The following TMEM108 variants were observed in gnomAD, a reference collection of about 807,000 sequenced individuals.
The protein encoded by TMEM108 is cancer/testis antigen 124.
In TMEM108, 12 loss-of-function variants were observed where a neutral mutation model predicts 35.1. The ratio of observed to expected loss-of-function variants is 0.34; its 90% CI spans 0.22 to 0.55. TMEM108 has a LOEUF of 0.55. Among genes scored for constraint, TMEM108 ranks in the 20% least tolerant of loss-of-function variants. TMEM108 has a pLI of 0.89. For missense variants in TMEM108, 680 were observed against 753.3 expected (o/e 0.90, Z 1.14); for synonymous variants, 287 against 308.6 (o/e 0.93, Z 0.73).
chr3:133,213,183 C>T (rs1309379215), intron 2 of TMEM108, among the ~76,000 whole-genome samples: 1 of 152,106 alleles, frequency 6.6e-6, no homozygotes, highest in Non-Finnish European at 1.5e-5. Context: ...CTGTCTCTTG[C>T]AAATAACCAA....
Position 133,111,943 on chromosome 3 carries a change from G to A in TMEM108, c.-47+65923G>A, listed in dbSNP as rs1944229850. 1.3e-5 allele frequency among the ~76,000 whole-genome samples: 2 copies of A among 152,138 alleles called. 1 individual carries two copies. The highest frequency in any genetic ancestry group is 4.1e-4 in the South Asian group (2 of 4,830). ...ACTTAGTTCTGTGGGGAGAGAGGTG[G>A]CAGGTCTGTATTGACACTTTCATCT... On this transcript the variant is annotated intron_variant, in intron 2 of 5. Coordinates refer to ENST00000321871, the MANE Select transcript of TMEM108 (RefSeq NM_023943.4).
At chr3:133,067,249 T>G (rs1943619119) in intron 2 of TMEM108, among the ~76,000 whole-genome samples, 1 of 152,194 alleles carries the variant, frequency 6.6e-6, no homozygotes, top group African/African-American at 2.4e-5. Context: ...CTCCCACTAG[T>G]GTAAGAGGAG....
chr3:133,121,067 T>G (rs980476436), intron 2 of TMEM108: 2 of 152,240 alleles, frequency 1.3e-5, no homozygotes, highest in Non-Finnish European at 2.9e-5. Context: ...CAGATGAAGG[T>G]GAGTCTCTGC....
intron 3 of TMEM108, among the ~76,000 whole-genome samples, chr3:133,320,791 G>A (rs911730314): frequency 6.6e-6 from 1 of 152,122 alleles, no homozygotes; most frequent in African/African-American, 2.4e-5. Context: ...AACCTATAAA[G>A]GAAAACCTAT....
intron 2 of TMEM108, among the ~76,000 whole-genome samples, chr3:133,214,632 T>C (rs946186414): frequency 2.0e-5 from 3 of 152,138 alleles, no homozygotes; most frequent in African/African-American, 7.2e-5. Flanking sequence ...TCAACTACAG[T>C]CAATTCTTGT....
At chr3:133,204,497 T>C (rs1325851716) in intron 2 of TMEM108, among the ~76,000 whole-genome samples, 1 of 152,212 alleles carries the variant, frequency 6.6e-6, no homozygotes, top group South Asian at 2.1e-4. Flanking sequence ...TCGGGTACAT[T>C]GTGTCTTTGT....
chr3:133,282,049 C>T lies in TMEM108; in HGVS notation c.40+52698C>T, dbSNP rs545170787. On this transcript the variant is annotated intron_variant, in intron 3 of 5. Coordinates refer to ENST00000321871, the MANE Select transcript of TMEM108 (RefSeq NM_023943.4). ...GCAGGCACCTGTAGTCCCAGCTACT[C>T]GGGAGGCTGAGGCAGGAGAATGGTG... 5.3e-5 allele frequency among the ~76,000 whole-genome samples: 8 copies of T among 152,160 alleles called. No individual in the cohort carries two copies. In the East Asian group the frequency reaches 1.4e-3, roughly 26 times the overall value.
chr3:133,345,127 C>T (rs1003168360), intron 3 of TMEM108, among the ~76,000 whole-genome samples: 6 of 151,778 alleles, frequency 4.0e-5, no homozygotes, highest in African/African-American at 1.4e-4. Flanking sequence ...CTTAAACACA[C>T]ACACATGCAC....
intron 2 of TMEM108, among the ~76,000 whole-genome samples, chr3:133,155,952 A>G (rs376235001): frequency 4.6e-5 from 7 of 152,128 alleles, no homozygotes; most frequent in East Asian, 1.9e-4. Flanking sequence ...AGGTAATCTT[A>G]CAGAGTTTTT....
intron 2 of TMEM108, among the ~76,000 whole-genome samples, chr3:133,182,481 G>C (rs1437473938): frequency 6.6e-6 from 1 of 152,112 alleles, no homozygotes; most frequent in African/African-American, 2.4e-5. Context: ...GGGAATCCTG[G>C]GAATCCCCTG....
intron 2 of TMEM108, among the ~76,000 whole-genome samples, chr3:133,225,461 AC>A (rs920958984): frequency 4.8e-4 from 73 of 151,854 alleles, no homozygotes; most frequent in African/African-American, 1.5e-3. Context: ...GAGCTGTTGT[AC>A]CCCCCTCCCC....
chr3:133,220,267 A>G (rs989144451), intron 2 of TMEM108, among the ~76,000 whole-genome samples: 1 of 151,148 alleles, frequency 6.6e-6, no homozygotes, highest in Non-Finnish European at 1.5e-5. Context: ...CTTTTTTATT[A>G]TTATTCATCC....
intron 2 of TMEM108, among the ~76,000 whole-genome samples, chr3:133,164,831 G>GA (rs1164595586): frequency 6.6e-6 from 1 of 151,810 alleles, no homozygotes; most frequent in African/African-American, 2.4e-5. Flanking sequence ...CATTTTTATT[G>GA]AAAAAAACAT....
At chr3:133,155,363 CT>C (rs1320836940) in intron 2 of TMEM108, among the ~76,000 whole-genome samples, 2 of 152,034 alleles carry the variant, frequency 1.3e-5, no homozygotes, top group African/African-American at 2.4e-5. Flanking sequence ...TTATATTCTT[CT>C]GGGTATATAC....
chr3:133,103,228 A>G (rs1042539664), intron 2 of TMEM108, among the ~76,000 whole-genome samples: 3 of 152,230 alleles, frequency 2.0e-5, no homozygotes, highest in African/African-American at 7.2e-5. Flanking sequence ...TTGTGTACAT[A>G]TACACCATGG....
At chr3:133,195,187 C>T (rs1488966355) in intron 2 of TMEM108, among the ~76,000 whole-genome samples, 4 of 152,040 alleles carry the variant, frequency 2.6e-5, no homozygotes, top group Admixed American at 2.6e-4. Context: ...AGGATACTTC[C>T]ACATGTATTG....
intron 3 of TMEM108, among the ~76,000 whole-genome samples, chr3:133,372,971 C>T (rs996892629): frequency 6.6e-6 from 1 of 152,146 alleles, no homozygotes; most frequent in Non-Finnish European, 1.5e-5. Flanking sequence ...TTAAGGGAAA[C>T]CATGCTCCAA....
intron 3 of TMEM108, among the ~76,000 whole-genome samples, chr3:133,251,261 A>G (rs1036730061): frequency 4.6e-5 from 7 of 152,222 alleles, no homozygotes; most frequent in African/African-American, 1.7e-4. Context: ...TAAAACAAAC[A>G]AAATTTTAAA....
chr3:133,065,421 G>A (rs963080653), intron 2 of TMEM108, among the ~76,000 whole-genome samples: 2 of 152,022 alleles, frequency 1.3e-5, no homozygotes, highest in South Asian at 2.1e-4. Context: ...AAATAAGTGC[G>A]GTTAGTCTGA....
Sources: gnomAD v4.1 joint callset for allele counts (sites outside exome capture counted in the v4.1 genomes callset) on GRCh38, gnomAD v4.1.1 for gene constraint, MANE v1.5 for transcripts, NCBI Gene and HGNC (gene_info 2026-07-23, HGNC 2026-07-21) for gene names.